MAD1L1: variants seen among roughly 807,000 people sequenced by gnomAD.
MAD1L1 encodes mitotic spindle assembly checkpoint protein MAD1.
MAD1L1 carries 95 observed loss-of-function variants against 96.9 expected under a neutral mutation model. The ratio of observed to expected loss-of-function variants is 0.98; its 90% confidence interval spans 0.83 to 1.16. The LOEUF is 1.16. MAD1L1 is among the 50% of genes most tolerant of loss of function. MAD1L1 has a pLI of 0.00. For synonymous variants in MAD1L1, 473 were observed against 396.6 expected (o/e 1.19, Z -2.29); for missense variants, 1,007 against 954.4 (o/e 1.06, Z -0.73).
chr7:1,869,268 C>T (rs1188197966), intron 18 of MAD1L1, among the ~76,000 whole-genome samples: 2 of 152,138 alleles, frequency 1.3e-5, no homozygotes, highest in Admixed American at 6.5e-5. Flanking sequence ...GAGAGCACCC[C>T]TTGCCTGGGA....
chr7:2,060,084 A>AGATACGCTGATGCCG (rs1784573419), intron 12 of MAD1L1, among the ~76,000 whole-genome samples: 1 of 147,758 alleles, frequency 6.8e-6, no homozygotes, highest in African/African-American at 2.5e-5. Context: ...CGCTGATGCC[A>AGATACGCTGATGCCG]AGATACGCTG....
At chr7:2,037,051 G>A (rs1313274870) in intron 12 of MAD1L1, among the ~76,000 whole-genome samples, 4 of 151,988 alleles carry the variant, frequency 2.6e-5, no homozygotes, top group Non-Finnish European at 2.9e-5. Context: ...TCCTCCCACA[G>A]CTCCCCCCAC....
At position 1,937,390 on chromosome 7, in the gene MAD1L1, C is replaced by T. The variant is rs147432337; in HGVS notation, c.1597-493G>A. On this transcript the variant is annotated intron_variant, in intron 16 of 18. Transcript: ENST00000265854. ...GGAAGGCAAGGGAGCCTGGCATCAG[C>T]GTGGGTGGCTCAGGAATGCGCCTCG... Among the ~76,000 whole-genome samples, 31 of 152,322 alleles carry T rather than the reference C, an allele frequency of 2.0e-4. 1 individual carries two copies. In the East Asian group the frequency reaches 3.1e-3, roughly 15 times the overall value.
At chr7:1,912,772 A>C (rs955671413) in intron 17 of MAD1L1, among the ~76,000 whole-genome samples, 1 of 152,182 alleles carries the variant, frequency 6.6e-6, no homozygotes, top group African/African-American at 2.4e-5. Flanking sequence ...GCGATATCAC[A>C]GCCGAGTCAA....
At chr7:2,198,099 T>C (rs1185291846) in intron 10 of MAD1L1, among the ~76,000 whole-genome samples, 1 of 151,748 alleles carries the variant, frequency 6.6e-6, no homozygotes, top group Non-Finnish European at 1.5e-5. Flanking sequence ...TTTTTTTTTT[T>C]TGGAGGAAGG....
At chr7:1,863,192 C>T (rs1784613258) in intron 18 of MAD1L1, among the ~76,000 whole-genome samples, 3 of 152,270 alleles carry the variant, frequency 2.0e-5, no homozygotes, top group African/African-American at 7.2e-5. Flanking sequence ...CTGAAGACCT[C>T]ACTCCTTCGG....
At chr7:1,919,899 T>A (rs1383365277) in intron 17 of MAD1L1, among the ~76,000 whole-genome samples, 1 of 152,226 alleles carries the variant, frequency 6.6e-6, no homozygotes, top group East Asian at 1.9e-4. Flanking sequence ...GGGAGGGAGC[T>A]GAAGTTGCAA....
chr7:1,928,836 G>A (rs1437006120), intron 17 of MAD1L1, among the ~76,000 whole-genome samples: 2 of 152,172 alleles, frequency 1.3e-5, no homozygotes, highest in African/African-American at 4.8e-5. Flanking sequence ...GCTTGGCACT[G>A]CCAGGCCAAT....
chr7:1,949,249 T>TACC (rs1779376473), intron 16 of MAD1L1, among the ~76,000 whole-genome samples: 1 of 152,094 alleles, frequency 6.6e-6, no homozygotes, highest in African/African-American at 2.4e-5. Flanking sequence ...TATGGTGACC[T>TACC]ACCAAGTCCA....
intron 10 of MAD1L1, among the ~76,000 whole-genome samples, chr7:2,185,353 GA>G (rs1276718844): frequency 6.6e-6 from 1 of 152,198 alleles, no homozygotes; most frequent in Non-Finnish European, 1.5e-5. Flanking sequence ...CCGGGGGTAG[GA>G]ATTGATTGAA....
chr7:1,826,100 G>A (rs34957940), intron 18 of MAD1L1, among the ~76,000 whole-genome samples: 2 of 152,156 alleles, frequency 1.3e-5, no homozygotes, highest in African/African-American at 2.4e-5. Context: ...TGGTGCTACC[G>A]TGGTCTACGC....
At chr7:2,166,679 G>A (rs1790444131) in intron 10 of MAD1L1, among the ~76,000 whole-genome samples, 2 of 152,248 alleles carry the variant, frequency 1.3e-5, no homozygotes, top group Admixed American at 1.3e-4. Flanking sequence ...ACACAAGCAG[G>A]CCCGCTTCCG....
intron 14 of MAD1L1, among the ~76,000 whole-genome samples, chr7:2,001,566 G>A (rs376939163): frequency 1.3e-5 from 2 of 152,184 alleles, no homozygotes; most frequent in African/African-American, 2.4e-5. Context: ...TTAAAAGCAC[G>A]CCTGCTGCAT....
intron 18 of MAD1L1, among the ~76,000 whole-genome samples, chr7:1,862,933 A>G (rs1314434205): frequency 6.6e-6 from 1 of 152,246 alleles, no homozygotes; most frequent in African/African-American, 2.4e-5. Flanking sequence ...TCAGGGTCCC[A>G]TGGGCACTAG....
intron 18 of MAD1L1, among the ~76,000 whole-genome samples, chr7:1,897,349 G>A (rs557764465): frequency 2.0e-5 from 3 of 152,308 alleles, no homozygotes; most frequent in South Asian, 4.2e-4. Flanking sequence ...GGTGGGGCCC[G>A]TCTCTGCCTG....
intron 10 of MAD1L1, among the ~76,000 whole-genome samples, chr7:2,157,458 C>T (rs995709434): frequency 6.6e-6 from 1 of 152,162 alleles, no homozygotes; most frequent in Non-Finnish European, 1.5e-5. Flanking sequence ...AGCATGCTCC[C>T]GACACGGAAG....
At chr7:1,954,884 G>T (rs1039045752) in intron 16 of MAD1L1, among the ~76,000 whole-genome samples, 1 of 152,092 alleles carries the variant, frequency 6.6e-6, no homozygotes, top group Non-Finnish European at 1.5e-5. Flanking sequence ...CCCACTTCCA[G>T]CCCCTTCAGC....
At chr7:2,231,698 A>G (rs1254259705) in intron 1 of MAD1L1, among the ~76,000 whole-genome samples, 1 of 152,214 alleles carries the variant, frequency 6.6e-6, no homozygotes, top group Non-Finnish European at 1.5e-5. Flanking sequence ...GATGATCATC[A>G]CAGCTGTGCT....
intron 10 of MAD1L1, among the ~76,000 whole-genome samples, chr7:2,175,820 C>T (rs1448062983): frequency 1.3e-5 from 2 of 152,080 alleles, no homozygotes; most frequent in Non-Finnish European, 2.9e-5. Context: ...GTTTTGTAAG[C>T]ATGCAAAATA....
Sources: allele counts gnomAD v4.1 joint callset (sites outside exome capture counted in the v4.1 genomes callset), GRCh38; gene constraint gnomAD v4.1.1; transcripts MANE v1.5; gene names NCBI Gene and HGNC (gene_info 2026-07-23, HGNC 2026-07-21).